Variants in FBLN5 observed in about 807,000 individuals in gnomAD.
FBLN5 encodes fibulin-5.
Under a neutral mutation model 61.6 loss-of-function variants are expected in FBLN5, and 24 were observed. That is an observed-to-expected ratio of 0.39 (90% CI 0.28 to 0.55). FBLN5 has a LOEUF of 0.55. FBLN5 is among the 20% of genes least tolerant of loss of function. The probability of loss-of-function intolerance (pLI) is 0.65; values close to 1 mark genes in which losing one functional copy is unlikely to be tolerated. For missense variants in FBLN5, 470 were observed against 594.1 expected (o/e 0.79, Z 2.17); for synonymous variants, 213 against 219.8 (o/e 0.97, Z 0.27).
At chr14:91,923,447 A>G (rs958529141) in intron 4 of FBLN5, among the ~76,000 whole-genome samples, 7 of 152,176 alleles carry the variant, frequency 4.6e-5, no homozygotes, top group Admixed American at 4.6e-4. Flanking sequence ...ACTGGGTGTC[A>G]TAAGTGTGCA....
intron 4 of FBLN5, among the ~76,000 whole-genome samples, chr14:91,936,153 C>CA (rs2056011586): frequency 6.6e-6 from 1 of 152,042 alleles, no homozygotes; most frequent in African/African-American, 2.4e-5. Flanking sequence ...ATGGGAAAAA[C>CA]AAAAAACAAA....
At chr14:91,920,982 C>T (rs747106695) in intron 4 of FBLN5, among the ~76,000 whole-genome samples, 7 of 152,200 alleles carry the variant, frequency 4.6e-5, no homozygotes, top group Non-Finnish European at 8.8e-5. Context: ...GGCTAGTAGG[C>T]CTGAGACACA....
In FBLN5 at chr14:91,882,991, T is replaced by A; in HGVS notation, c.825A>T (p.Pro275=). 1.2e-6 allele frequency: 2 copies of A among 1,614,112 alleles called. No individual in the cohort carries two copies. The highest frequency in any genetic ancestry group is 1.7e-6 in the Non-Finnish European group (2 of 1,179,968). Reference sequence around the variant, plus strand: ...GGTTGTCATCCAGCAGGATGTAGCCTGGAGGGCAGGAGCAGAAGTATGTGC... The same window carrying A: ...GGTTGTCATCCAGCAGGATGTAGCCAGGAGGGCAGGAGCAGAAGTATGTGC... ...QPGTYFCSCP[P]GYILLDDNRS... Residue 275 remains proline, a synonymous_variant, in exon 8 of 11, where the codon CCA becomes CCT. Transcript: ENST00000342058. This position sits in a 1 kb window ranked among gnomAD's most constrained non-coding sequence, Gnocchi z 4.9.
rs377251423 is a variant in FBLN5 at position 91,901,009 on chromosome 14, A to C, written c.380-5937T>G. On this transcript the variant is annotated intron_variant, in intron 4 of 10. Coordinates refer to ENST00000342058, the MANE Select transcript of FBLN5 (RefSeq NM_006329.4). ...CCTTGAGCCCCAGGCATATGGCGGG[A>C]GATCTGGACAAGAGGTAAGGAAAGC... 2.3e-4 allele frequency among the ~76,000 whole-genome samples: 35 copies of C among 152,314 alleles called. No homozygotes were observed. The East Asian group carries it at 6.2e-3, about 27-fold the overall frequency.
chr14:91,886,237 A>T (rs748722416), intron 7 of FBLN5, among the ~76,000 whole-genome samples: 4 of 152,260 alleles, frequency 2.6e-5, no homozygotes, highest in Admixed American at 6.5e-5. Flanking sequence ...GCAAATTCAC[A>T]ACTGCTGATG....
intron 4 of FBLN5, among the ~76,000 whole-genome samples, chr14:91,905,172 A>G (rs576256229): frequency 6.6e-6 from 1 of 152,174 alleles, no homozygotes; most frequent in South Asian, 2.1e-4. Context: ...CACCCTTCCC[A>G]TGCCTGCAGT....
chr14:91,877,990 G>A, intron 9 of FBLN5: 1 of 495,730 alleles, frequency 2.0e-6, no homozygotes, highest in Non-Finnish European at 3.9e-6. Flanking sequence ...TTGCCACGTA[G>A]GCCAAATATG....
intron 6 of FBLN5, among the ~76,000 whole-genome samples, chr14:91,890,453 G>A (rs1306909915): frequency 6.6e-6 from 1 of 152,192 alleles, no homozygotes; most frequent in African/African-American, 2.4e-5. Flanking sequence ...GGGGCTGGAG[G>A]CCTGGGCCGG....
At chr14:91,896,369 C>A (rs527386248) in intron 4 of FBLN5, among the ~76,000 whole-genome samples, 3 of 152,324 alleles carry the variant, frequency 2.0e-5, no homozygotes, top group East Asian at 3.9e-4. Context: ...TCACCTGCAC[C>A]TTGGTGGGTC....
At chr14:91,883,664 A>AAAAAAAAACAC in intron 7 of FBLN5, among the ~76,000 whole-genome samples, 1 of 148,464 alleles carries the variant, frequency 6.7e-6, no homozygotes, top group Admixed American at 6.7e-5. Flanking sequence ...AAACAAAAAA[A>AAAAAAAAACAC]ACACACACAC....
intron 4 of FBLN5, among the ~76,000 whole-genome samples, chr14:91,925,255 T>C (rs2055808581): frequency 6.6e-6 from 1 of 152,244 alleles, no homozygotes; most frequent in Non-Finnish European, 1.5e-5. Flanking sequence ...CTGTGGATGC[T>C]GGCTGCCTGC....
intron 4 of FBLN5, among the ~76,000 whole-genome samples, chr14:91,930,160 T>C (rs1259122012): frequency 6.6e-6 from 1 of 152,152 alleles, no homozygotes; most frequent in Admixed American, 6.5e-5. Flanking sequence ...AAACAATAAT[T>C]ACAGTAACGA....
chr14:91,910,776 T>G (rs973853649), intron 4 of FBLN5, among the ~76,000 whole-genome samples: 2 of 151,384 alleles, frequency 1.3e-5, no homozygotes, highest in Non-Finnish European at 2.9e-5. Flanking sequence ...CAGGGTAGAG[T>G]GCTGGGGAGA....
chr14:91,926,803 T>C (rs1290207763), intron 4 of FBLN5, among the ~76,000 whole-genome samples: 1 of 150,828 alleles, frequency 6.6e-6, no homozygotes, highest in Non-Finnish European at 1.5e-5. Flanking sequence ...CGGGGGGCAG[T>C]GGACGGGTGG....
At chr14:91,900,704 C>T (rs1028971709) in intron 4 of FBLN5, among the ~76,000 whole-genome samples, 1 of 152,230 alleles carries the variant, frequency 6.6e-6, no homozygotes, top group African/African-American at 2.4e-5. Context: ...CTTGGGTGTT[C>T]TGCAACAGGG....
At chr14:91,907,164 A>C (rs371353838) in intron 4 of FBLN5, among the ~76,000 whole-genome samples, 1 of 152,316 alleles carries the variant, frequency 6.6e-6, no homozygotes, top group Middle Eastern at 3.4e-3. Context: ...CTGGCCAGTG[A>C]GATATAAGTA....
chr14:91,913,689 T>C (rs1180049612), intron 4 of FBLN5, among the ~76,000 whole-genome samples: 2 of 152,252 alleles, frequency 1.3e-5, no homozygotes, highest in Non-Finnish European at 2.9e-5. Context: ...CATTCAATTA[T>C]ATCAGCAAAT....
chr14:91,935,178 A>G (rs2055992540), intron 4 of FBLN5, among the ~76,000 whole-genome samples: 1 of 152,268 alleles, frequency 6.6e-6, no homozygotes. Context: ...CATAAATGGC[A>G]TGACGTCAGA....
intron 4 of FBLN5, among the ~76,000 whole-genome samples, chr14:91,904,940 T>C (rs146992321): frequency 2.6e-4 from 40 of 152,238 alleles, no homozygotes; most frequent in Non-Finnish European, 4.7e-4. Flanking sequence ...TCAACAATCA[T>C]AGGAGGGAGG....
Sources: gnomAD v4.1 joint callset for allele counts (sites outside exome capture counted in the v4.1 genomes callset) on GRCh38, gnomAD v4.1.1 for gene constraint, Gnocchi (gnomAD v3.1) non-coding constraint, MANE v1.5 for transcripts, NCBI Gene and HGNC (gene_info 2026-07-23, HGNC 2026-07-21) for gene names.